The following RILPL1 variants were observed in gnomAD, a reference collection of about 807,000 sequenced individuals.
RILPL1 encodes the protein RILP-like protein 1.
Under a neutral mutation model 50.3 loss-of-function variants are expected in RILPL1, and 33 were observed. The ratio of observed to expected loss-of-function variants is 0.66; its 90% CI spans 0.50 to 0.88. The LOEUF (loss-of-function observed/expected upper bound fraction) is 0.88, where lower values mean the gene tolerates loss of function less well. RILPL1 is among the 40% of genes least tolerant of loss of function. The probability of loss-of-function intolerance (pLI) is 0.00; values close to 1 mark genes in which losing one functional copy is unlikely to be tolerated. For missense variants in RILPL1, 418 were observed against 542.5 expected (o/e 0.77, Z 2.28); for synonymous variants, 205 against 228.6 (o/e 0.90, Z 0.93).
At chr12:123,530,668 G>C (rs542978008) in intron 1 of RILPL1, among the ~76,000 whole-genome samples, 1 of 152,304 alleles carries the variant, frequency 6.6e-6, no homozygotes, top group South Asian at 2.1e-4. Context: ...AGCATAGTCT[G>C]GTATGTTACA....
At chr12:123,503,772 C>T (rs1883555552) in intron 2 of RILPL1, among the ~76,000 whole-genome samples, 2 of 151,850 alleles carry the variant, frequency 1.3e-5, no homozygotes, top group Non-Finnish European at 2.9e-5. Flanking sequence ...GAGGCTGAGG[C>T]GGGTGGATCA....
intron 1 of RILPL1, among the ~76,000 whole-genome samples, chr12:123,524,716 T>C (rs573804901): frequency 1.3e-5 from 2 of 152,196 alleles, no homozygotes; most frequent in Non-Finnish European, 1.5e-5. Context: ...ATGTCTAATA[T>C]TGGCAAATCC....
intron 2 of RILPL1, among the ~76,000 whole-genome samples, chr12:123,520,874 G>C (rs546161319): frequency 5.9e-5 from 9 of 152,130 alleles, no homozygotes; most frequent in Non-Finnish European, 1.0e-4. Flanking sequence ...ACACCACGGC[G>C]GATCAATCCA....
intron 2 of RILPL1, among the ~76,000 whole-genome samples, chr12:123,506,305 G>A (rs997407675): frequency 6.6e-6 from 1 of 152,184 alleles, no homozygotes; most frequent in Admixed American, 6.5e-5. Context: ...AGGCCATGGG[G>A]GTGATGCACG....
intron 6 of RILPL1, among the ~76,000 whole-genome samples, chr12:123,477,011 G>A (rs922152553): frequency 2.6e-5 from 4 of 152,284 alleles, no homozygotes; most frequent in East Asian, 3.9e-4. Flanking sequence ...AGCGCCAGGC[G>A]AGAACCAGGA....
intron 1 of RILPL1, among the ~76,000 whole-genome samples, chr12:123,529,903 CTA>C (rs1328117700): frequency 2.0e-5 from 3 of 147,008 alleles, no homozygotes; most frequent in African/African-American, 7.4e-5. Context: ...AAAAAAATCT[CTA>C]TCTCTTCCTC....
At chr12:123,478,232 C>T (rs947994651) in intron 6 of RILPL1, among the ~76,000 whole-genome samples, 1 of 151,708 alleles carries the variant, frequency 6.6e-6, no homozygotes, top group African/African-American at 2.4e-5. Context: ...AACTCCTGGC[C>T]TCAAGCGATC....
chr12:123,475,403 G>T, intron 6 of RILPL1: 1 of 502,180 alleles, frequency 2.0e-6, no homozygotes, highest in Non-Finnish European at 3.6e-6. Context: ...TCATGGGCAA[G>T]GTGGTTTTAA....
rs1180104956 is a variant in RILPL1 at position 123,522,608 on chromosome 12, T to C, written c.460+887A>G. On this transcript the variant is annotated intron_variant, in intron 2 of 6. Coordinates refer to ENST00000376874, the MANE Select transcript of RILPL1 (RefSeq NM_178314.5). This position sits in a 1 kb window ranked among gnomAD's most constrained non-coding sequence, Gnocchi z 4.0. The stretch of plus-strand genomic sequence containing the variant: ...CAATCATCTTCTGACACACTAGCCT[T>C]CTTTATTTTTTTCATCTTACTGTCG... 6.6e-6 allele frequency among the ~76,000 whole-genome samples: 1 copy of C among 152,080 alleles called. No individual in the cohort carries two copies. Among genetic ancestry groups the C allele is most frequent in the Non-Finnish European group, 1.5e-5 (1 of 68,016 alleles).
At position 123,485,869 on chromosome 12, in the gene RILPL1, C is replaced by T. The variant is rs1882299749; in HGVS notation, c.802-64G>A. On this transcript the variant is annotated intron_variant, in intron 4 of 6. Coordinates refer to ENST00000376874, the MANE Select transcript of RILPL1 (RefSeq NM_178314.5). The surrounding 1 kb of genome is among the most constrained non-coding windows in gnomAD (Gnocchi z 4.0). ...GCCACTGCCAGCACCCACTCTCTAT[C>T]CTGAAGGAGCCCAAATTCTCCCCCT... The T allele has an allele frequency of 7.4e-6, 11 of 1,481,898 alleles. No homozygotes were observed. In the East Asian group the frequency reaches 2.7e-4, roughly 36 times the overall value. The allele number at this position is 1,481,898 out of a possible 1,614,324, so 91.8% of individuals were successfully genotyped here. A position where few individuals can be genotyped will look rare whatever the true frequency, so the allele number is the denominator to read the frequency against.
intron 1 of RILPL1, among the ~76,000 whole-genome samples, chr12:123,531,024 G>C (rs1021591363): frequency 3.3e-5 from 5 of 151,874 alleles, no homozygotes; most frequent in Admixed American, 6.6e-5. Flanking sequence ...AGGGGAAAGG[G>C]AAGAGGAATG....
chr12:123,524,841 G>C (rs1417048902), intron 1 of RILPL1, among the ~76,000 whole-genome samples: 1 of 151,664 alleles, frequency 6.6e-6, no homozygotes, highest in African/African-American at 2.4e-5. Context: ...AATGTTCTAA[G>C]ATTGATAGTG....
chr12:123,499,499 C>T lies in RILPL1; in HGVS notation c.498G>A (p.Leu166=). The change falls in exon 3 of 7, where the codon CTG becomes CTA. Residue 166 remains leucine (L), a synonymous_variant. Transcript: ENST00000376874. ...CGCGTTGTTTGTCCACCACCTCCTT[C>T]AGCTTCTTCATCACCTGTCGCTCCC... ...SERERQVMKK[L]KEVVDKQRDE... is the part of the protein sequence containing the mutation. 3 of 1,613,982 alleles carry T rather than the reference C, an allele frequency of 1.9e-6. No homozygotes were observed. The highest frequency in any genetic ancestry group is 2.5e-6 in the Non-Finnish European group (3 of 1,179,874).
rs746354289 is a variant in RILPL1 at position 123,508,723 on chromosome 12, G to C, written c.461-9187C>G. On this transcript the variant is annotated intron_variant, in intron 2 of 6. Coordinates refer to ENST00000376874, the MANE Select transcript of RILPL1 (RefSeq NM_178314.5). ...TTATACCTCAATTTAAAATGTTAAG[G>C]CCGGGCACAGTGGCTCGTGCCTGTA... Among the ~76,000 whole-genome samples the C allele has an allele frequency of 7.2e-5, 11 of 152,010 alleles. No individual in the cohort carries two copies. In the South Asian group the frequency reaches 1.2e-3, roughly 17 times the overall value.
Position 123,499,549 on chromosome 12 carries a change from G to A in RILPL1, c.461-13C>T, listed in dbSNP as rs767260067. ...CGCTCTGACATGCCTGGGTGGGCAAGTGAGACCGGCAGGTGAGCCCGCCTT... is the reference window on the plus strand; with the variant it reads ...CGCTCTGACATGCCTGGGTGGGCAAATGAGACCGGCAGGTGAGCCCGCCTT... On this transcript the variant is annotated splice_polypyrimidine_tract_variant and intron_variant, in intron 2 of 6. Transcript: ENST00000376874. 1.0e-5 allele frequency: 16 copies of A among 1,595,644 alleles called. No individual in the cohort carries two copies. The Admixed American group carries it at 2.7e-4, about 27-fold the overall frequency.
chr12:123,503,124 G>T (rs1883505266), intron 2 of RILPL1, among the ~76,000 whole-genome samples: 1 of 144,922 alleles, frequency 6.9e-6, no homozygotes, highest in Admixed American at 7.0e-5. Context: ...CTGACCTTGT[G>T]ATCCACCCAC....
intron 1 of RILPL1, among the ~76,000 whole-genome samples, chr12:123,524,890 G>C (rs976133960): frequency 1.1e-4 from 15 of 142,544 alleles, no homozygotes; most frequent in African/African-American, 3.9e-4. Flanking sequence ...CCCAGCACTT[G>C]GGAGGCCAAG....
intron 2 of RILPL1, among the ~76,000 whole-genome samples, chr12:123,512,384 CTGTGTGTGTGGTGTGTGAGGTCTG>C (rs1566137157): frequency 1.7e-5 from 1 of 58,414 alleles, no homozygotes; most frequent in East Asian, 6.0e-4. Context: ...TGTCTGAGGT[CTGTGTGTGTGGTGTGTGAGGTCTG>C]TGTGTGTGTG....
intron 6 of RILPL1, among the ~76,000 whole-genome samples, chr12:123,481,143 A>G (rs1175597969): frequency 1.3e-5 from 2 of 152,036 alleles, no homozygotes; most frequent in Non-Finnish European, 2.9e-5. Flanking sequence ...GATCACCTGA[A>G]GTCAGGAGTT....
Sources: allele counts gnomAD v4.1 joint callset (sites outside exome capture counted in the v4.1 genomes callset), GRCh38; gene constraint gnomAD v4.1.1; non-coding constraint Gnocchi (gnomAD v3.1); transcripts MANE v1.5; gene names NCBI Gene and HGNC (gene_info 2026-07-23, HGNC 2026-07-21).